The following KLHL32 variants were observed in gnomAD, a reference collection of about 807,000 sequenced individuals.
The protein encoded by KLHL32 is kelch like family member 32.
Under a neutral mutation model 64.8 loss-of-function variants are expected in KLHL32, and 35 were observed. The observed-to-expected ratio is 0.54, with a 90% CI of 0.41 to 0.72. The LOEUF is 0.72. Ranked by LOEUF, KLHL32 falls within the 30% of genes least tolerant of loss-of-function variation. The pLI, the probability that KLHL32 is intolerant of heterozygous loss-of-function variation, is 0.00. For missense variants in KLHL32, 589 were observed against 768.5 expected (o/e 0.77, Z 2.76); for synonymous variants, 259 against 281.0 (o/e 0.92, Z 0.78).
At chr6:97,105,052 G>A (rs78584406) in intron 6 of KLHL32, among the ~76,000 whole-genome samples, 2,854 of 152,204 alleles carry the variant, frequency 0.019, 83 homozygotes, top group African/African-American at 0.066. Context: ...ATGGCAAATC[G>A]CAACACCTGC....
chr6:96,967,235 A>C (rs1050347008), intron 2 of KLHL32, 152 bp downstream of exon 2: 4 of 635,808 alleles, frequency 6.3e-6, no homozygotes, highest in Non-Finnish European at 1.1e-5. Context: ...CTGTGGTGGC[A>C]CAAGGACTAA....
In KLHL32 at chr6:96,978,006, C is replaced by A. The variant is rs966285195; in HGVS notation, c.204+1829C>A. ...AGAAAGGTCATATTATTCAGAGGGGCTTTTGGATCAGCAAAACACTTCAGA... is the reference window on the plus strand; with the variant it reads ...AGAAAGGTCATATTATTCAGAGGGGATTTTGGATCAGCAAAACACTTCAGA... On this transcript the variant is annotated intron_variant, in intron 3 of 10. Coordinates refer to ENST00000369261, the MANE Select transcript of KLHL32 (RefSeq NM_052904.4). Among the ~76,000 whole-genome samples the A allele has an allele frequency of 5.9e-5, 9 of 152,196 alleles. No individual in the cohort carries two copies. The East Asian group carries it at 1.7e-3, about 29-fold the overall frequency.
At position 97,111,042 on chromosome 6, in the gene KLHL32, G is replaced by A. The variant is rs566514611; in HGVS notation, c.628-2741G>A. On this transcript the variant is annotated intron_variant, in intron 6 of 10. Transcript: ENST00000369261. ...CACAGAAAAGTCTTGGGGGGGGGGG[G>A]TCTTAGCCAACCACCTGTTACATCT... Among the ~76,000 whole-genome samples the A allele has an allele frequency of 3.3e-5, 5 of 151,676 alleles. No individual in the cohort carries two copies. The East Asian group carries it at 5.8e-4, about 18-fold the overall frequency.
chr6:97,131,927 T>C (rs1799484300), intron 9 of KLHL32, among the ~76,000 whole-genome samples: 2 of 152,180 alleles, frequency 1.3e-5, no homozygotes, highest in Admixed American at 6.5e-5. Flanking sequence ...GCTTATTTAT[T>C]ACCCCAGTCA....
At chr6:97,054,702 A>G (rs1417009493) in intron 4 of KLHL32, among the ~76,000 whole-genome samples, 1 of 152,234 alleles carries the variant, frequency 6.6e-6, no homozygotes, top group Non-Finnish European at 1.5e-5. Context: ...TTTATTCTAT[A>G]GTAATTGAAT....
chr6:96,932,826 C>A (rs1431909846), intron 1 of KLHL32, among the ~76,000 whole-genome samples: 1 of 152,054 alleles, frequency 6.6e-6, no homozygotes, highest in East Asian at 1.9e-4. Flanking sequence ...CCACCTTGGG[C>A]TTCCAAAGTG....
At chr6:97,017,744 G>A (rs190103540) in intron 3 of KLHL32, among the ~76,000 whole-genome samples, 1 of 152,270 alleles carries the variant, frequency 6.6e-6, no homozygotes, top group Non-Finnish European at 1.5e-5. Context: ...TCTAGGTGGG[G>A]CCATATGACT....
At chr6:96,977,274 G>A (rs1775811571) in intron 3 of KLHL32, among the ~76,000 whole-genome samples, 1 of 152,116 alleles carries the variant, frequency 6.6e-6, no homozygotes, top group Admixed American at 6.6e-5. Flanking sequence ...TAAGTAATTT[G>A]CACTAACTCA....
chr6:97,111,239 G>T (rs1309030800), intron 6 of KLHL32, among the ~76,000 whole-genome samples: 2 of 152,194 alleles, frequency 1.3e-5, no homozygotes, highest in Non-Finnish European at 2.9e-5. Context: ...TGGCAGTGTT[G>T]CATCCTGTCC....
chr6:96,947,431 C>T (rs1772050629), intron 1 of KLHL32, among the ~76,000 whole-genome samples: 2 of 152,194 alleles, frequency 1.3e-5, no homozygotes, highest in Non-Finnish European at 1.5e-5. Flanking sequence ...ATGTTAGGAA[C>T]ATCGATACAA....
chr6:96,908,428 A>T, the KLHL32 span, among the ~76,000 whole-genome samples: 1 of 152,238 alleles, frequency 6.6e-6, no homozygotes, highest in African/African-American at 2.4e-5. Flanking sequence ...CACATAAAAA[A>T]TGTCACATGA....
At chr6:96,923,938 A>G (rs1033933788), upstream of KLHL32, among the ~76,000 whole-genome samples, 1 of 152,204 alleles carries the variant, frequency 6.6e-6, no homozygotes, top group Non-Finnish European at 1.5e-5. Flanking sequence ...ATGACTCGGA[A>G]GTGGCACTTG....
chr6:97,002,401 A>G (rs1328413905), intron 3 of KLHL32, among the ~76,000 whole-genome samples: 1 of 152,230 alleles, frequency 6.6e-6, no homozygotes, highest in African/African-American at 2.4e-5. Context: ...ATTTAAAAAT[A>G]TAACGAATAT....
chr6:97,102,612 T>C (rs1216898098), intron 6 of KLHL32, among the ~76,000 whole-genome samples: 1 of 152,162 alleles, frequency 6.6e-6, no homozygotes, highest in African/African-American at 2.4e-5. Context: ...TGGATGAATA[T>C]TGTCTTTTGG....
intron 10 of KLHL32, among the ~76,000 whole-genome samples, chr6:97,135,307 T>C (rs1366867087): frequency 3.6e-5 from 4 of 109,960 alleles, no homozygotes; most frequent in African/African-American, 1.5e-4. Context: ...TAATTTTTTT[T>C]TTTTTTTTTT....
At chr6:97,024,927 T>A in intron 3 of KLHL32, 1 of 898,576 alleles carries the variant, frequency 1.1e-6, no homozygotes, top group Non-Finnish European at 1.3e-6. Flanking sequence ...TTCTATGCTT[T>A]TAAGATTATA....
At chr6:97,090,710 G>T (rs1355189578) in intron 6 of KLHL32, among the ~76,000 whole-genome samples, 1 of 152,200 alleles carries the variant, frequency 6.6e-6, no homozygotes. Flanking sequence ...TCACATCACA[G>T]TTTTGAAAAT....
At chr6:97,023,930 T>C (rs549494031) in intron 3 of KLHL32, among the ~76,000 whole-genome samples, 1 of 152,332 alleles carries the variant, frequency 6.6e-6, no homozygotes, top group South Asian at 2.1e-4. Flanking sequence ...ATTGTGACTT[T>C]TGAAAAATGT....
At chr6:96,913,766 T>C in the KLHL32 span, among the ~76,000 whole-genome samples, 26 of 152,236 alleles carry the variant, frequency 1.7e-4, no homozygotes, top group Admixed American at 3.9e-4. Flanking sequence ...TTAACATATG[T>C]GCACCTTAAT....
Sources: gnomAD v4.1 joint callset for allele counts (sites outside exome capture counted in the v4.1 genomes callset) on GRCh38, gnomAD v4.1.1 for gene constraint, MANE v1.5 for transcripts, NCBI Gene and HGNC (gene_info 2026-07-23, HGNC 2026-07-21) for gene names.